Variants in STK32A observed in about 807,000 individuals in gnomAD.
STK32A encodes the protein serine/threonine kinase 32A.
Under a neutral mutation model 53.2 loss-of-function variants are expected in STK32A, and 41 were observed. The ratio of observed to expected loss-of-function variants is 0.77; its 90% confidence interval spans 0.60 to 1.00. The LOEUF is 1.00. Ranked by LOEUF, STK32A falls within the 50% of genes least tolerant of loss-of-function variation. The pLI is 0.00. For synonymous variants in STK32A, 166 were observed against 162.8 expected (o/e 1.02, Z -0.15); for missense variants, 458 against 485.8 (o/e 0.94, Z 0.54).
chr5:147,315,798 A>G (rs182855239), intron 4 of STK32A, among the ~76,000 whole-genome samples: 76 of 152,338 alleles, frequency 5.0e-4, no homozygotes, highest in African/African-American at 1.8e-3. Flanking sequence ...GGATTACAGA[A>G]GACAGGGATA....
intron 1 of STK32A, among the ~76,000 whole-genome samples, chr5:147,238,695 A>G (rs1231048095): frequency 6.6e-6 from 1 of 152,108 alleles, no homozygotes; most frequent in Admixed American, 6.5e-5. Flanking sequence ...TAACATACGT[A>G]TGATATAACA....
chr5:147,373,412 C>T (rs1757093113), intron 10 of STK32A, 118 bp downstream of exon 10: 2 of 1,367,572 alleles, frequency 1.5e-6, no homozygotes, highest in Non-Finnish European at 2.0e-6. Flanking sequence ...AGCCCCAATT[C>T]CCATTTTACA....
Position 147,385,292 on chromosome 5 carries a change from C to A in STK32A, c.*1309C>A, listed in dbSNP as rs1757607510. 6.6e-6 allele frequency: 1 copy of A among 152,096 alleles called. No individual in the cohort carries two copies. The highest frequency in any genetic ancestry group is 1.5e-5 in the Non-Finnish European group (1 of 68,038). 9.4% of individuals were successfully genotyped at this position (152,096 alleles called of 1,614,324 possible). A position where few individuals can be genotyped will look rare whatever the true frequency, so the allele number is the denominator to read the frequency against. Reference sequence around the variant, plus strand: ...AGCTGGGATCGCATGTGTGTGCCACCATGTGTAGCTAATTTTTTGTATTTT... The same window carrying A: ...AGCTGGGATCGCATGTGTGTGCCACAATGTGTAGCTAATTTTTTGTATTTT... On this transcript the variant is annotated 3_prime_UTR_variant, in exon 13 of 13. Coordinates refer to ENST00000397936, the MANE Select transcript of STK32A (RefSeq NM_001112724.2).
chr5:147,279,184 G>C, intron 3 of STK32A, 63 bp from the exon 4 acceptor site: 1 of 1,500,520 alleles, frequency 6.7e-7, no homozygotes, highest in Non-Finnish European at 9.0e-7. Context: ...GTCTTGTTCT[G>C]TCTCTCATCA....
In STK32A at chr5:147,370,711, A is replaced by G; in HGVS notation, c.718A>G (p.Thr240Ala). 1 of 1,612,724 alleles carries G rather than the reference A, an allele frequency of 6.2e-7. No individual in the cohort carries two copies. Among genetic ancestry groups the G allele is most frequent in the Non-Finnish European group, 8.5e-7 (1 of 1,178,960 alleles). Reference protein sequence around the residue: ...SSKEIVHTFETTVVTYPSAWS... With the variant: ...SSKEIVHTFEATVVTYPSAWS... Reference sequence around the variant, plus strand: ...CAAGGAAATTGTACACACGTTTGAGACGACTGTTGTAACTTACCCTTCTGC... The same window carrying G: ...CAAGGAAATTGTACACACGTTTGAGGCGACTGTTGTAACTTACCCTTCTGC... The change falls in exon 9 of 13, where the codon ACG becomes GCG. Residue 240 changes from threonine (T) to alanine (A), a missense_variant. By Grantham distance (58) the Thr-to-Ala change is moderately conservative. Coordinates refer to ENST00000397936, the MANE Select transcript of STK32A (RefSeq NM_001112724.2).
intron 2 of STK32A, among the ~76,000 whole-genome samples, chr5:147,255,270 T>A (rs950593203): frequency 5.9e-5 from 9 of 152,252 alleles, no homozygotes; most frequent in Non-Finnish European, 1.0e-4. Flanking sequence ...AAACTTTTTT[T>A]TAATATGCCT....
At chr5:147,363,557 C>CTAT (rs2151999496) in intron 8 of STK32A, among the ~76,000 whole-genome samples, 1 of 152,292 alleles carries the variant, frequency 6.6e-6, no homozygotes, top group African/African-American at 2.4e-5. Context: ...GTGAATCGCC[C>CTAT]TCATGATCCT....
intron 2 of STK32A, among the ~76,000 whole-genome samples, chr5:147,241,336 G>A (rs1271737097): frequency 5.3e-5 from 8 of 152,104 alleles, no homozygotes; most frequent in South Asian, 2.1e-4. Context: ...AAAATTAGCC[G>A]GGCGTGGTGG....
chr5:147,396,859 ATG>A, the STK32A span, among the ~76,000 whole-genome samples: 5 of 113,864 alleles, frequency 4.4e-5, no homozygotes, highest in Non-Finnish European at 7.0e-5. Context: ...ATATCTGTAT[ATG>A]TGTGTATATA....
At chr5:147,370,511 T>C (rs1756959857) in intron 8 of STK32A, 143 bp from the exon 9 acceptor site, 2 of 477,976 alleles carry the variant, frequency 4.2e-6, no homozygotes, top group East Asian at 3.3e-5. Context: ...CCTACACATA[T>C]GGCAACGCAA....
intron 7 of STK32A, among the ~76,000 whole-genome samples, chr5:147,355,413 C>T (rs569518402): frequency 5.1e-4 from 77 of 152,006 alleles, no homozygotes; most frequent in African/African-American, 1.9e-3. Context: ...GGTGGCTCAC[C>T]CTGTAATCCC....
At chr5:147,348,404 A>C (rs986185163) in intron 6 of STK32A, among the ~76,000 whole-genome samples, 12 of 152,334 alleles carry the variant, frequency 7.9e-5, no homozygotes, top group African/African-American at 2.9e-4. Context: ...GCTTATTTAA[A>C]TATTGGCGCC....
At chr5:147,250,758 T>C (rs10875620) in intron 2 of STK32A, among the ~76,000 whole-genome samples, 118,869 of 151,648 alleles carry the variant, frequency 0.78, 46,998 homozygotes, top group African/African-American at 0.87. Context: ...TGGCTAACAC[T>C]GTGAAACCCC....
chr5:147,369,277 T>C (rs534451987), intron 8 of STK32A, among the ~76,000 whole-genome samples: 1 of 152,300 alleles, frequency 6.6e-6, no homozygotes, highest in Non-Finnish European at 1.5e-5. Context: ...TCCTGGCACT[T>C]CATGGTTCCA....
At chr5:147,324,135 C>T (rs72831373) in intron 5 of STK32A, 64 bp downstream of exon 5, 45,745 of 1,421,014 alleles carry the variant, frequency 0.032, 840 homozygotes, top group Middle Eastern at 0.054. Flanking sequence ...AACTGGCTAC[C>T]TTCAATAAAT....
rs115779465 is a variant in STK32A, at chr5:147,302,832, C to T, written c.261-21066C>T. Among the ~76,000 whole-genome samples, 35 of 152,196 alleles carry T rather than the reference C, an allele frequency of 2.3e-4. No homozygotes were observed. In the South Asian group the frequency reaches 3.9e-3, roughly 17 times the overall value. On this transcript the variant is annotated intron_variant, in intron 4 of 12. Transcript: ENST00000397936. ...TCCTGAAATTTTATTTTATTTTATA[C>T]TTATATTATTAAACATGTTTTATTA... is the stretch of plus-strand genomic sequence containing the variant.
chr5:147,260,714 C>T (rs1209361870), intron 2 of STK32A, among the ~76,000 whole-genome samples: 2 of 152,068 alleles, frequency 1.3e-5, no homozygotes, highest in Non-Finnish European at 2.9e-5. Context: ...CCTCTCTGGC[C>T]GCTCCCCTAA....
At chr5:147,359,983 G>A (rs1310086100) in intron 7 of STK32A, among the ~76,000 whole-genome samples, 3 of 152,252 alleles carry the variant, frequency 2.0e-5, no homozygotes, top group East Asian at 3.9e-4. Context: ...CCCAGAGCCA[G>A]CACTTTATAC....
At chr5:147,326,329 A>G (rs7709169) in intron 5 of STK32A, among the ~76,000 whole-genome samples, 348 of 152,246 alleles carry the variant, frequency 2.3e-3, no homozygotes, top group African/African-American at 8.1e-3. Context: ...ATGTCTCCTC[A>G]CCATGGTAAA....
Sources: gnomAD v4.1 joint callset for allele counts (sites outside exome capture counted in the v4.1 genomes callset) on GRCh38, gnomAD v4.1.1 for gene constraint, MANE v1.5 for transcripts, NCBI Gene and HGNC (gene_info 2026-07-23, HGNC 2026-07-21) for gene names.